The following MGRN1 variants were observed in gnomAD, a reference collection of about 807,000 sequenced individuals.
The protein encoded by MGRN1 is mahogunin ring finger 1.
Under a neutral mutation model 69.2 loss-of-function variants are expected in MGRN1, and 29 were observed. The observed-to-expected ratio is 0.42, with a 90% CI of 0.31 to 0.57. The LOEUF is 0.57. Among genes scored for constraint, MGRN1 ranks in the 20% least tolerant of loss-of-function variants. The pLI is 0.15. For missense variants in MGRN1, 998 were observed against 796.2 expected (o/e 1.25, Z -3.05); for synonymous variants, 470 against 344.2 (o/e 1.37, Z -4.04).
At chr16:4,672,645 C>T (rs2141950695) in intron 9 of MGRN1, 1 of 349,858 alleles carries the variant, frequency 2.9e-6, no homozygotes, top group South Asian at 2.1e-5. Flanking sequence ...ACAACAGGAG[C>T]AGCGGGGACT....
At chr16:4,682,360 G>T (rs1031773622) in intron 13 of MGRN1, among the ~76,000 whole-genome samples, 57 of 152,240 alleles carry the variant, frequency 3.7e-4, no homozygotes, top group African/African-American at 1.3e-3. Context: ...GCCTTGCGGT[G>T]TATAGAGCGG....
Position 4,688,172 on chromosome 16 carries a change from A to C in MGRN1, c.1619-624A>C, listed in dbSNP as rs977933890. ...CAGGGCTGGTGGCTGGGTGTCAGGCAGCCCTGAGGCCATGCTGGCCCCGTC... is the reference window on the plus strand; with the variant it reads ...CAGGGCTGGTGGCTGGGTGTCAGGCCGCCCTGAGGCCATGCTGGCCCCGTC... On this transcript the variant is annotated intron_variant, in intron 16 of 16. Coordinates refer to ENST00000262370, the MANE Select transcript of MGRN1 (RefSeq NM_015246.4). The C allele has an allele frequency of 3.0e-6, 3 of 985,392 alleles. No homozygotes were observed. In the African/African-American group the frequency reaches 5.2e-5, roughly 17 times the overall value. The allele number at this position is 985,392 out of a possible 1,614,324, so 61.0% of individuals were successfully genotyped here. A position where few individuals can be genotyped will look rare whatever the true frequency, so the allele number is the denominator to read the frequency against.
chr16:4,645,678 T>C (rs13337373), intron 1 of MGRN1, among the ~76,000 whole-genome samples: 6,552 of 152,168 alleles, frequency 0.043, 476 homozygotes, highest in African/African-American at 0.15. Context: ...GAGGTAGAGC[T>C]GGAGCTCCAG....
At chr16:4,651,676 G>C (rs1567192751) in intron 2 of MGRN1, among the ~76,000 whole-genome samples, 1 of 152,118 alleles carries the variant, frequency 6.6e-6, no homozygotes, top group Non-Finnish European at 1.5e-5. Context: ...GATATGGGAA[G>C]CCTGGGAGAG....
intron 5 of MGRN1, among the ~76,000 whole-genome samples, chr16:4,663,255 G>A (rs2078722646): frequency 6.6e-6 from 1 of 151,758 alleles, no homozygotes; most frequent in Non-Finnish European, 1.5e-5. Flanking sequence ...GTAGAGACAG[G>A]GTTTCACCAT....
chr16:4,686,469 C>A, intron 16 of MGRN1: 1 of 1,398,168 alleles, frequency 7.2e-7, no homozygotes, highest in Non-Finnish European at 9.3e-7. Flanking sequence ...CCAGTGGCTG[C>A]TGCACCTTCC....
intron 2 of MGRN1, chr16:4,650,790 A>G (rs950355341): frequency 7.7e-6 from 2 of 261,208 alleles, no homozygotes; most frequent in Non-Finnish European, 1.4e-5. Flanking sequence ...GCCTTCTTGG[A>G]TGACTTTCTT....
At chr16:4,630,828 T>A (rs1025085913) in intron 1 of MGRN1, among the ~76,000 whole-genome samples, 109 of 146,758 alleles carry the variant, frequency 7.4e-4, no homozygotes, top group African/African-American at 2.4e-3. Context: ...TTTTTTTTTT[T>A]AATTTTGAGA....
At chr16:4,629,149 T>TAG (rs1897856613) in intron 1 of MGRN1, among the ~76,000 whole-genome samples, 1 of 111,106 alleles carries the variant, frequency 9.0e-6, no homozygotes, top group African/African-American at 4.0e-5. Flanking sequence ...TTTCTGTTCG[T>TAG]ATGTGTGTGT....
At position 4,688,518 on chromosome 16, in the gene MGRN1, G is replaced by A. The variant is rs368617155; in HGVS notation, c.1619-278G>A. The A allele has an allele frequency of 5.2e-5, 63 of 1,221,302 alleles. No homozygotes were observed. In the South Asian group the frequency reaches 1.6e-3, roughly 30 times the overall value. 75.7% of individuals were successfully genotyped at this position (1,221,302 alleles called of 1,614,324 possible). A position where few individuals can be genotyped will look rare whatever the true frequency, so the allele number is the denominator to read the frequency against. ...AGGAGGCCCAGAGGGCATCCACCGC[G>A]GTGCCGTGTCGCGCTCTGACTCGGG... On this transcript the variant is annotated intron_variant, in intron 16 of 16. Coordinates refer to ENST00000262370, the MANE Select transcript of MGRN1 (RefSeq NM_015246.4).
At chr16:4,652,587 C>A in intron 3 of MGRN1, 91 bp from the exon 4 acceptor site, 1 of 1,469,200 alleles carries the variant, frequency 6.8e-7, no homozygotes, top group Non-Finnish European at 9.1e-7. Context: ...CACATAGCCA[C>A]CTCCACGGCC....
chr16:4,673,071 C>G (rs1183302210), intron 9 of MGRN1, among the ~76,000 whole-genome samples: 13 of 152,220 alleles, frequency 8.5e-5, no homozygotes, highest in Admixed American at 8.5e-4. Flanking sequence ...ATCTCCTGAC[C>G]TCGTGATCTG....
intron 7 of MGRN1, 141 bp from the exon 8 acceptor site, chr16:4,668,124 C>CT (rs375154638): frequency 0.13 from 63,414 of 501,508 alleles, 72 homozygotes; most frequent in East Asian, 0.15. Flanking sequence ...TGGCCCCACC[C>CT]TTTTTTTTTT....
rs1359789058 is a variant in MGRN1, at chr16:4,668,292, C to A, written c.706C>A (p.Pro236Thr). The A allele has an allele frequency of 1.2e-6, 2 of 1,614,036 alleles. No individual in the cohort carries two copies. The highest frequency in any genetic ancestry group is 1.7e-5 in the Admixed American group (1 of 60,012). ...KHMDGSFSVK[P>T]LKQKQIVDRV... is the part of the protein sequence containing the mutation. ...CATGGACGGCAGCTTCTCTGTGAAG[C>A]CTTTAAAGCAGAAGCAAATTGTAAG... Residue 236 changes from proline (P) to threonine (T), a missense_variant, in exon 8 of 17, where the codon CCT (proline) becomes ACT (threonine). Physicochemically the swap from Pro to Thr is conservative, Grantham distance 38. Transcript: ENST00000262370.
intron 1 of MGRN1, among the ~76,000 whole-genome samples, chr16:4,627,180 G>C (rs1186316657): frequency 6.6e-6 from 1 of 152,130 alleles, no homozygotes; most frequent in Admixed American, 6.6e-5. Flanking sequence ...ATGATTTTAG[G>C]GGTTGCCCCC....
intron 1 of MGRN1, among the ~76,000 whole-genome samples, chr16:4,641,433 C>G (rs1041184074): frequency 6.6e-6 from 1 of 152,002 alleles, no homozygotes; most frequent in Non-Finnish European, 1.5e-5. Flanking sequence ...ACTGCAACCT[C>G]AAATTGCTGG....
At chr16:4,680,343 T>C (rs2079152610) in intron 12 of MGRN1, 2 of 498,346 alleles carry the variant, frequency 4.0e-6, no homozygotes, top group Non-Finnish European at 7.2e-6. Flanking sequence ...CCGCCCCGCG[T>C]GGCCCCCGTG....
intron 9 of MGRN1, chr16:4,672,499 T>C: frequency 4.4e-6 from 2 of 456,502 alleles, no homozygotes; most frequent in South Asian, 3.1e-5. Context: ...TGGCCGGGCC[T>C]CGCCTCAACC....
intron 14 of MGRN1, 91 bp from the exon 15 acceptor site, chr16:4,683,133 G>A: frequency 6.4e-7 from 1 of 1,560,632 alleles, no homozygotes; most frequent in Non-Finnish European, 8.8e-7. Flanking sequence ...CGGCTGTGCG[G>A]TCCCGGGAGG....
Sources: allele counts gnomAD v4.1 joint callset (sites outside exome capture counted in the v4.1 genomes callset), GRCh38; gene constraint gnomAD v4.1.1; transcripts MANE v1.5; gene names NCBI Gene and HGNC (gene_info 2026-07-23, HGNC 2026-07-21).